CSMD3: variants seen among roughly 807,000 people sequenced by gnomAD.
CSMD3 encodes the protein CUB and sushi domain-containing protein 3.
CSMD3 carries 177 observed loss-of-function variants against 435.2 expected under a neutral mutation model. The ratio of observed to expected loss-of-function variants is 0.41; its 90% confidence interval spans 0.36 to 0.46. The LOEUF (loss-of-function observed/expected upper bound fraction) is 0.46, where lower values mean the gene tolerates loss of function less well. Among genes scored for constraint, CSMD3 ranks in the 20% least tolerant of loss-of-function variants. CSMD3 has a pLI of 0.34. For missense variants in CSMD3, 4,265 were observed against 4,504.6 expected (o/e 0.95, Z 1.52); for synonymous variants, 1,656 against 1,520.5 (o/e 1.09, Z -2.07).
chr8:112,236,602 G>A (rs1004093286), intron 67 of CSMD3, among the ~76,000 whole-genome samples: 1 of 152,146 alleles, frequency 6.6e-6, no homozygotes, highest in African/African-American at 2.4e-5. Flanking sequence ...AGGTCATTGG[G>A]AGTATTGCTT....
chr8:112,323,607 C>A (rs1045520136), intron 45 of CSMD3, among the ~76,000 whole-genome samples: 21 of 151,998 alleles, frequency 1.4e-4, no homozygotes, highest in Non-Finnish European at 2.5e-4. Flanking sequence ...TGTAGTGATT[C>A]ATCTATAAGC....
intron 1 of CSMD3, among the ~76,000 whole-genome samples, chr8:113,434,095 C>A (rs889686208): frequency 6.6e-6 from 1 of 152,306 alleles, no homozygotes; most frequent in East Asian, 1.9e-4. Flanking sequence ...TCTTACACTC[C>A]GAGGCGTTTC....
At chr8:113,373,122 C>T (rs2094357453) in intron 1 of CSMD3, among the ~76,000 whole-genome samples, 1 of 152,210 alleles carries the variant, frequency 6.6e-6, no homozygotes, top group South Asian at 2.1e-4. Context: ...CACTCTGAAG[C>T]AGAATCCAAT....
intron 19 of CSMD3, among the ~76,000 whole-genome samples, chr8:112,649,558 C>T (rs1450221427): frequency 6.6e-6 from 1 of 152,174 alleles, no homozygotes; most frequent in Admixed American, 6.6e-5. Flanking sequence ...AAGCACTTCC[C>T]AATCTTAGGA....
chr8:112,325,865 G>A (rs1002825201), intron 45 of CSMD3, among the ~76,000 whole-genome samples: 1 of 151,922 alleles, frequency 6.6e-6, no homozygotes, highest in African/African-American at 2.4e-5. Flanking sequence ...AATGATAATA[G>A]TAATAATTTT....
chr8:112,639,376 A>C (rs960836907), intron 20 of CSMD3, among the ~76,000 whole-genome samples: 3 of 152,140 alleles, frequency 2.0e-5, no homozygotes, highest in Non-Finnish European at 2.9e-5. Context: ...AGGCATAGGG[A>C]ATGCTATCTG....
At chr8:113,252,321 TATAACA>T (rs2093341744) in intron 3 of CSMD3, among the ~76,000 whole-genome samples, 1 of 152,136 alleles carries the variant, frequency 6.6e-6, no homozygotes, top group African/African-American at 2.4e-5. Context: ...ATCTATCATC[TATAACA>T]AATGATGATC....
chr8:112,530,446 A>G (rs1002439930), intron 27 of CSMD3, among the ~76,000 whole-genome samples: 7 of 152,188 alleles, frequency 4.6e-5, no homozygotes, highest in South Asian at 4.1e-4. Flanking sequence ...GGGAAGCTCC[A>G]TAAGAGTAGC....
At chr8:113,304,969 C>T (rs1393185966) in intron 2 of CSMD3, among the ~76,000 whole-genome samples, 1 of 145,932 alleles carries the variant, frequency 6.9e-6, no homozygotes, top group Non-Finnish European at 1.5e-5. Context: ...TACTATGCAG[C>T]CATAAAAAAT....
chr8:112,531,141 C>T (rs956243471), intron 27 of CSMD3, among the ~76,000 whole-genome samples: 15 of 152,096 alleles, frequency 9.9e-5, no homozygotes, highest in African/African-American at 2.6e-4. Flanking sequence ...GGGAAGAGTA[C>T]GGGGGACTTT....
chr8:113,306,165 AGTT>A (rs1468132592), intron 2 of CSMD3, among the ~76,000 whole-genome samples: 2 of 152,184 alleles, frequency 1.3e-5, no homozygotes, highest in African/African-American at 4.8e-5. Flanking sequence ...CTATTATTAT[AGTT>A]GTTAATATCA....
chr8:112,667,034 T>C (rs1322167595), intron 16 of CSMD3, among the ~76,000 whole-genome samples: 1 of 152,204 alleles, frequency 6.6e-6, no homozygotes, highest in East Asian at 1.9e-4. Flanking sequence ...ATATTCTGTT[T>C]ATCATTTCAA....
At chr8:112,596,787 A>G (rs1330018225) in intron 22 of CSMD3, among the ~76,000 whole-genome samples, 1 of 152,208 alleles carries the variant, frequency 6.6e-6, no homozygotes, top group Admixed American at 6.5e-5. Flanking sequence ...AATGAAATGA[A>G]GGCAGAAATA....
At chr8:112,542,168 C>T (rs1386222831) in intron 27 of CSMD3, among the ~76,000 whole-genome samples, 2 of 150,392 alleles carry the variant, frequency 1.3e-5, no homozygotes, top group Non-Finnish European at 3.0e-5. Context: ...ATTATAAAGG[C>T]CATATATCAA....
At chr8:112,728,865 T>G (rs2077020130) in intron 13 of CSMD3, among the ~76,000 whole-genome samples, 1 of 152,080 alleles carries the variant, frequency 6.6e-6, no homozygotes, top group Admixed American at 6.6e-5. Flanking sequence ...TACAAATTAT[T>G]ATTCATTTTT....
At position 112,241,739 on chromosome 8, in the gene CSMD3, T is replaced by C; in HGVS notation, c.10449A>G (p.Thr3483=). The C allele has an allele frequency of 6.2e-7, 1 of 1,612,404 alleles. No individual in the cohort carries two copies. Among genetic ancestry groups the C allele is most frequent in the Non-Finnish European group, 8.5e-7 (1 of 1,178,558 alleles). Residue 3483 remains threonine, a synonymous_variant, in exon 66 of 71, where the codon ACA becomes ACG. Coordinates refer to ENST00000297405, the MANE Select transcript of CSMD3 (RefSeq NM_198123.2). ...ACTAACCACTTAGCTTTGGGCTGGG[T>C]GTTCCCAGTGCAGGTCTAGGATCTT... The part of the protein sequence containing the change: ...LVKDPRPALG[T]PSPKLSVPDD...
At chr8:112,793,405 A>G (rs1472528692) in intron 13 of CSMD3, among the ~76,000 whole-genome samples, 1 of 151,692 alleles carries the variant, frequency 6.6e-6, no homozygotes, top group Admixed American at 6.6e-5. Context: ...TCTTGGGCCC[A>G]TCTGCACTGT....
intron 47 of CSMD3, among the ~76,000 whole-genome samples, chr8:112,318,361 T>G (rs897022805): frequency 1.3e-5 from 2 of 152,064 alleles, no homozygotes; most frequent in African/African-American, 4.8e-5. Flanking sequence ...CCCTTTTCCA[T>G]GATGCTTCCA....
intron 32 of CSMD3, among the ~76,000 whole-genome samples, chr8:112,441,293 G>A (rs1814986310): frequency 6.6e-6 from 1 of 152,094 alleles, no homozygotes; most frequent in African/African-American, 2.4e-5. Context: ...ACCGCAGCCT[G>A]GACTTCATTG....
Sources: allele counts gnomAD v4.1 joint callset (sites outside exome capture counted in the v4.1 genomes callset), GRCh38; gene constraint gnomAD v4.1.1; transcripts MANE v1.5; gene names NCBI Gene and HGNC (gene_info 2026-07-23, HGNC 2026-07-21).